NPHS1: variants seen among roughly 807,000 people sequenced by gnomAD.
NPHS1 encodes NPHS1 adhesion molecule, nephrin.
A neutral mutation model predicts 139.7 loss-of-function variants in NPHS1; 107 were observed. The observed-to-expected ratio is 0.77, with a 90% confidence interval of 0.66 to 0.90. The LOEUF is 0.90. Ranked by LOEUF, NPHS1 falls within the 40% of genes least tolerant of loss-of-function variation. The probability of loss-of-function intolerance (pLI) is 0.00; values close to 1 mark genes in which losing one functional copy is unlikely to be tolerated. For missense variants in NPHS1, 1,580 were observed against 1,654.2 expected, an observed-to-expected ratio of 0.96 and a Z score of 0.78; for synonymous variants, 707 against 706.6, an observed-to-expected ratio of 1.00 and a Z score of -0.01.
intron 16 of NPHS1, chr19:35,843,829 G>T: frequency 1.5e-6 from 1 of 649,358 alleles, no homozygotes; most frequent in Non-Finnish European, 2.6e-6. Flanking sequence ...AGAATTGTGT[G>T]TGTAGCAGGG....
chr19:35,826,544 C>T lies in NPHS1; in HGVS notation c.3696G>A (p.Leu1232=). The T allele has an allele frequency of 6.2e-7, 1 of 1,613,900 alleles. No individual in the cohort carries two copies. Among genetic ancestry groups the T allele is most frequent in the Non-Finnish European group, 8.5e-7 (1 of 1,180,018 alleles). ...GDLDTLEPDS[L]PFELRGHLV ...CCAGATGTCCCCTCAGCTCGAAGGG[C>T]AGAGAATCGGGTTCCAGAGTGTCCA... The change falls in exon 29 of 29, where the codon CTG becomes CTA. Residue 1232 remains leucine, a synonymous_variant. Transcript: ENST00000378910.
At position 35,847,935 on chromosome 19, in the gene NPHS1, G is replaced by T. The variant is rs1404974334; in HGVS notation, c.1440+106C>A. 25 of 1,260,722 alleles carry T rather than the reference G, an allele frequency of 2.0e-5. No individual in the cohort carries two copies. In the East Asian group the frequency reaches 3.7e-4, roughly 19 times the overall value. The allele number at this position is 1,260,722 out of a possible 1,614,324, so 78.1% of individuals were successfully genotyped here. On this transcript the variant is annotated intron_variant, in intron 11 of 28. Transcript: ENST00000378910. The stretch of plus-strand genomic sequence containing the variant: ...CCTCAGAATCTTTAGTACTTTTCAA[G>T]AAATTTAATCTTTTTCCAAGATTGC...
In NPHS1 at chr19:35,850,983, T is replaced by C; in HGVS notation, c.504A>G (p.Ala168=). 2 of 1,614,084 alleles carry C rather than the reference T, an allele frequency of 1.2e-6. No homozygotes were observed. Among genetic ancestry groups the C allele is most frequent in the Non-Finnish European group, 1.7e-6 (2 of 1,180,006 alleles). The change falls in exon 4 of 29, where the codon GCA becomes GCG. Residue 168 remains alanine (A), a synonymous_variant. Coordinates refer to ENST00000378910, the MANE Select transcript of NPHS1 (RefSeq NM_004646.4). ...CACTCAGGAGAATGGTGATGTCAGGTGCTGGCTTCGCGTCCCCAGACACAC... is the reference window on the plus strand; with the variant it reads ...CACTCAGGAGAATGGTGATGTCAGGCGCTGGCTTCGCGTCCCCAGACACAC... The part of the protein sequence containing the change: ...VNCVSGDAKP[A]PDITILLSGQ...
chr19:35,831,835 A>G, intron 23 of NPHS1, 73 bp from the exon 24 acceptor site: 1 of 1,494,650 alleles, frequency 6.7e-7, no homozygotes, highest in South Asian at 1.2e-5. Context: ...TCCCCGAGAA[A>G]GTGTAGCCCT....
In NPHS1 at chr19:35,843,509, T is replaced by A. The variant is rs1973089592; in HGVS notation, c.2297A>T (p.Asn766Ile). Residue 766 changes from asparagine (N) to isoleucine (I), a missense_variant, in exon 17 of 29, where the codon AAT becomes ATT. Transcript: ENST00000378910. ...GTTGAACATGCCCGGGAGGATGGGA[T>A]TGGCATCGACAGTGCAGACTATGTC... ...SVDIVCTVDANPILPGMFNWE... is the reference protein window; with the variant it reads ...SVDIVCTVDAIPILPGMFNWE... The A allele has an allele frequency of 6.2e-7, 1 of 1,613,982 alleles. No individual in the cohort carries two copies. Among genetic ancestry groups the A allele is most frequent in the Admixed American group, 1.7e-5 (1 of 59,996 alleles).
rs1056677947 is a variant in NPHS1 at position 35,826,740 on chromosome 19, G to GA, written c.3595-96dup. The GA allele has an allele frequency of 8.5e-5, 120 of 1,407,554 alleles. No individual in the cohort carries two copies. In the Admixed American group the frequency reaches 1.3e-3, roughly 16 times the overall value. The allele number at this position is 1,407,554 out of a possible 1,614,324, so 87.2% of individuals were successfully genotyped here. A position where few individuals can be genotyped will look rare whatever the true frequency, so the allele number is the denominator to read the frequency against. The stretch of plus-strand genomic sequence containing the variant: ...ATACATGCCCCTGCTTAACTTCCCA[G>GA]AAAAAAGTGTTTTAGCTTTTACTAA... On this transcript the variant is annotated intron_variant, in intron 28 of 28. Coordinates refer to ENST00000378910, the MANE Select transcript of NPHS1 (RefSeq NM_004646.4).
intron 23 of NPHS1, among the ~76,000 whole-genome samples, chr19:35,834,685 T>C (rs1972930737): frequency 2.1e-5 from 3 of 146,328 alleles, no homozygotes; most frequent in South Asian, 2.2e-4. Context: ...AGGTCAGGAG[T>C]TAAAGACCAT....
intron 20 of NPHS1, 115 bp downstream of exon 20, chr19:35,841,600 C>T: frequency 8.0e-7 from 1 of 1,242,916 alleles, no homozygotes; most frequent in Non-Finnish European, 1.2e-6. Flanking sequence ...ACTCCATCCT[C>T]ACACATACAC....
chr19:35,842,099 G>A, intron 19 of NPHS1, 25 bp downstream of exon 19: 2 of 1,595,398 alleles, frequency 1.3e-6, no homozygotes, highest in Non-Finnish European at 1.7e-6. Context: ...GGGCTGGAGT[G>A]CTGCCTGGCT....
At position 35,843,590 on chromosome 19, in the gene NPHS1, G is replaced by A. The variant is rs386833907; in HGVS notation, c.2216C>T (p.Ala739Val). Residue 739 changes from alanine to valine, a missense_variant, in exon 17 of 29, where the codon GCT (alanine) becomes GTT (valine). Coordinates refer to ENST00000378910, the MANE Select transcript of NPHS1 (RefSeq NM_004646.4). ...EARLRLDVHY[A>V]PTIRALQDPT... Reference sequence around the variant, plus strand: ...GTCCTGGAGGGCACGGATGGTGGGAGCATCTGGTGGAAGGCAGAGGCTTGG... The same window carrying A: ...GTCCTGGAGGGCACGGATGGTGGGAACATCTGGTGGAAGGCAGAGGCTTGG... 1 of 1,614,020 alleles carries A rather than the reference G, an allele frequency of 6.2e-7. No homozygotes were observed. Among genetic ancestry groups the A allele is most frequent in the Non-Finnish European group, 8.5e-7 (1 of 1,179,902 alleles).
chr19:35,848,112 C>T lies in NPHS1; in HGVS notation c.1369G>A (p.Ala457Thr), dbSNP rs1265964280. Reference sequence around the variant, plus strand: ...CACACCAGCCTCACCCGGGTCCCAGCCCGGAGCTTCTGGCCCTCTGGGGGA... The same window carrying T: ...CACACCAGCCTCACCCGGGTCCCAGTCCGGAGCTTCTGGCCCTCTGGGGGA... ...EGPPEGQKLR[A>T]GTRVRLVCLA... Residue 457 changes from alanine (A) to threonine (T), a missense_variant, in exon 11 of 29, where the codon GCT becomes ACT. By Grantham distance (58) the Ala-to-Thr change is moderately conservative. Coordinates refer to ENST00000378910, the MANE Select transcript of NPHS1 (RefSeq NM_004646.4). 3.1e-6 allele frequency: 5 copies of T among 1,613,936 alleles called. No individual in the cohort carries two copies. The highest frequency in any genetic ancestry group is 2.7e-5 in the African/African-American group (2 of 74,944).
chr19:35,845,258 TGAAA>T lies in NPHS1; in HGVS notation c.1930+106_1930+109del, dbSNP rs1973118112. 7.9e-7 allele frequency: 1 copy of T among 1,265,748 alleles called. No individual in the cohort carries two copies. The highest frequency in any genetic ancestry group is 1.3e-5 in the South Asian group (1 of 78,718). 78.4% of individuals were successfully genotyped at this position (1,265,748 alleles called of 1,614,324 possible). On this transcript the variant is annotated intron_variant, in intron 14 of 28. Transcript: ENST00000378910. This position sits in a 1 kb window ranked among gnomAD's most constrained non-coding sequence, Gnocchi z 5.5. Reference sequence around the variant, plus strand: ...GCATTGCAGCCTGAGCGACAAAAAATGAAAGAGAGAGAGAGAGAGAAGAGAAAAA... The same window carrying T: ...GCATTGCAGCCTGAGCGACAAAAAATGAGAGAGAGAGAGAGAAGAGAAAAA...
At position 35,845,841 on chromosome 19, in the gene NPHS1, C is replaced by A. The variant is rs949366199; in HGVS notation, c.1628-43G>T. ...AGGAGCGAGACTCAGAGGTTAGGGG[C>A]GGCCTGGTCTGCGTCCACCCCGCCT... On this transcript the variant is annotated intron_variant, in intron 12 of 28. Coordinates refer to ENST00000378910, the MANE Select transcript of NPHS1 (RefSeq NM_004646.4). This position sits in a 1 kb window ranked among gnomAD's most constrained non-coding sequence, Gnocchi z 5.5. The A allele has an allele frequency of 2.6e-5, 41 of 1,596,986 alleles. No homozygotes were observed. The highest frequency in any genetic ancestry group is 3.4e-5 in the Admixed American group (2 of 59,544).
rs2146807154 is a variant in NPHS1 at position 35,831,038 on chromosome 19, A to G, written c.3481+15T>C. The G allele has an allele frequency of 6.2e-7, 1 of 1,613,204 alleles. No individual in the cohort carries two copies. Among genetic ancestry groups the G allele is most frequent in the South Asian group, 1.1e-5 (1 of 91,042 alleles). ...TACCTCTGAGTGAGGGAATCCTGACATGGTCCTAACTCACCTCGGGAATAA... is the reference window on the plus strand; with the variant it reads ...TACCTCTGAGTGAGGGAATCCTGACGTGGTCCTAACTCACCTCGGGAATAA... On this transcript the variant is annotated intron_variant, in intron 27 of 28. Coordinates refer to ENST00000378910, the MANE Select transcript of NPHS1 (RefSeq NM_004646.4).
intron 22 of NPHS1, among the ~76,000 whole-genome samples, chr19:35,836,321 G>C (rs1011379387): frequency 1.3e-5 from 2 of 149,710 alleles, no homozygotes; most frequent in Non-Finnish European, 3.0e-5. Flanking sequence ...GCAGTGGTAT[G>C]ATCATAGCTC....
Position 35,844,471 on chromosome 19 carries a change from G to T in NPHS1, c.1931-12C>A, listed in dbSNP as rs752182068. ...GAACTCTGGACGGTCTTCAGAGGGGGCGCCGCAGGGAGTCAAGATTGTTGT... is the reference window on the plus strand; with the variant it reads ...GAACTCTGGACGGTCTTCAGAGGGGTCGCCGCAGGGAGTCAAGATTGTTGT... On this transcript the variant is annotated splice_polypyrimidine_tract_variant and intron_variant, in intron 14 of 28. Coordinates refer to ENST00000378910, the MANE Select transcript of NPHS1 (RefSeq NM_004646.4). The T allele has an allele frequency of 1.9e-5, 30 of 1,558,774 alleles. No homozygotes were observed. The highest frequency in any genetic ancestry group is 3.3e-4 in the Middle Eastern group (2 of 6,028).
Position 35,848,467 on chromosome 19 carries a change from A to C in NPHS1, c.1171-70T>G, listed in dbSNP as rs1973177702. The C allele has an allele frequency of 7.5e-6, 12 of 1,608,084 alleles. No individual in the cohort carries two copies. The South Asian group carries it at 1.1e-4, about 15-fold the overall frequency. ...TCCATCGTGCTAGAGGCCTGAGTCCATCCCAGTCCCCAGCAGGGACACAGG... is the reference window on the plus strand; with the variant it reads ...TCCATCGTGCTAGAGGCCTGAGTCCCTCCCAGTCCCCAGCAGGGACACAGG... On this transcript the variant is annotated intron_variant, in intron 9 of 28. Coordinates refer to ENST00000378910, the MANE Select transcript of NPHS1 (RefSeq NM_004646.4).
At chr19:35,831,408 GC>G (rs755504097) in intron 25 of NPHS1, 37 bp from the exon 26 acceptor site, 36 of 1,609,382 alleles carry the variant, frequency 2.2e-5, no homozygotes, top group African/African-American at 8.0e-5. Flanking sequence ...GTTGAGTGCT[GC>G]CCCCCGCCAC....
rs1568454603 is a variant in NPHS1, at chr19:35,845,674, C to T, written c.1752G>A (p.Gly584=). Residue 584 remains glycine, a synonymous_variant, in exon 13 of 29, where the codon GGG becomes GGA. Coordinates refer to ENST00000378910, the MANE Select transcript of NPHS1 (RefSeq NM_004646.4). This position sits in a 1 kb window ranked among gnomAD's most constrained non-coding sequence, Gnocchi z 5.5. ...GGGATCCCTCGCACTCCCACCTCTC[C>T]CCTTCCTTGTCCCAGGACAAGTTGA... ...PPVNLSWDKE[G]ERLEGVAAPP... is the part of the protein sequence containing the mutation. The T allele has an allele frequency of 6.2e-7, 1 of 1,613,678 alleles. No individual in the cohort carries two copies. The highest frequency in any genetic ancestry group is 8.5e-7 in the Non-Finnish European group (1 of 1,179,830).
Sources: allele counts gnomAD v4.1 joint callset (sites outside exome capture counted in the v4.1 genomes callset), GRCh38; gene constraint gnomAD v4.1.1; non-coding constraint Gnocchi (gnomAD v3.1); transcripts MANE v1.5; gene names NCBI Gene and HGNC (gene_info 2026-07-23, HGNC 2026-07-21).